TMEM117: variants seen among roughly 807,000 people sequenced by gnomAD.
TMEM117 encodes the protein transmembrane protein 117.
TMEM117 carries 27 observed loss-of-function variants against 52.4 expected under a neutral mutation model. The ratio of observed to expected loss-of-function variants is 0.51; its 90% CI spans 0.38 to 0.71. The LOEUF is 0.71. Among genes scored for constraint, TMEM117 ranks in the 30% least tolerant of loss-of-function variants. The pLI, the probability that TMEM117 is intolerant of heterozygous loss-of-function variation, is 0.00. For missense variants in TMEM117, 556 were observed against 630.5 expected, an observed-to-expected ratio of 0.88 and a Z score of 1.26; for synonymous variants, 215 against 206.3, an observed-to-expected ratio of 1.04 and a Z score of -0.36.
chr12:44,332,700 AAC>A (rs1951287190), intron 6 of TMEM117, among the ~76,000 whole-genome samples: 1 of 146,386 alleles, frequency 6.8e-6, no homozygotes, highest in Non-Finnish European at 1.5e-5. Flanking sequence ...AAATTAAACA[AAC>A]TACTGTTACT....
intron 6 of TMEM117, among the ~76,000 whole-genome samples, chr12:44,368,400 G>A (rs533365354): frequency 6.6e-6 from 1 of 152,050 alleles, no homozygotes; most frequent in Non-Finnish European, 1.5e-5. Flanking sequence ...AACTCTGGAG[G>A]TCATTCACCT....
chr12:44,013,984 G>C (rs895636580), intron 3 of TMEM117, among the ~76,000 whole-genome samples: 1 of 152,126 alleles, frequency 6.6e-6, no homozygotes, highest in African/African-American at 2.4e-5. Context: ...GTTGAAAAAG[G>C]GTTTGAAACC....
At chr12:43,922,141 G>A (rs1401966368) in intron 2 of TMEM117, among the ~76,000 whole-genome samples, 1 of 152,186 alleles carries the variant, frequency 6.6e-6, no homozygotes, top group African/African-American at 2.4e-5. Context: ...ACAAACTGTG[G>A]TTTCTCTTAA....
intron 5 of TMEM117, among the ~76,000 whole-genome samples, chr12:44,236,149 T>C (rs776307101): frequency 1.8e-4 from 27 of 151,074 alleles, no homozygotes; most frequent in Non-Finnish European, 3.1e-4. Flanking sequence ...TTCCTCAGTT[T>C]TAGAAATGTT....
chr12:44,096,904 AACT>A (rs1947774391), intron 3 of TMEM117, among the ~76,000 whole-genome samples: 1 of 151,608 alleles, frequency 6.6e-6, no homozygotes, highest in Non-Finnish European at 1.5e-5. Context: ...CAGCAAAAGA[AACT>A]ACCATCAGAG....
chr12:43,904,851 G>T (rs772692292), intron 2 of TMEM117, among the ~76,000 whole-genome samples: 3 of 152,116 alleles, frequency 2.0e-5, no homozygotes, highest in African/African-American at 4.8e-5. Context: ...CTTATCAAAC[G>T]ATCTGTTTTT....
chr12:44,241,625 G>C (rs1165819892), intron 5 of TMEM117, among the ~76,000 whole-genome samples: 1 of 151,804 alleles, frequency 6.6e-6, no homozygotes, highest in Non-Finnish European at 1.5e-5. Flanking sequence ...TCTTTTGGTA[G>C]TTTTGTGCCT....
chr12:44,127,753 A>G lies in TMEM117; in HGVS notation c.411-15772A>G, dbSNP rs143665341. 4.5e-3 allele frequency among the ~76,000 whole-genome samples: 686 copies of G among 152,324 alleles called. 4 individuals are homozygous for G. Among genetic ancestry groups the G allele is most frequent in the African/African-American group, 0.015 (633 of 41,582 alleles). Reference sequence around the variant, plus strand: ...CTTAGCCAATCCGTTGAAAGGCTGCAGAAGCAAAAATTGATGTTTCCCAGA... The same window carrying G: ...CTTAGCCAATCCGTTGAAAGGCTGCGGAAGCAAAAATTGATGTTTCCCAGA... On this transcript the variant is annotated intron_variant, in intron 3 of 7. Coordinates refer to ENST00000266534, the MANE Select transcript of TMEM117 (RefSeq NM_032256.3).
chr12:43,926,007 C>A (rs539482148), intron 2 of TMEM117, among the ~76,000 whole-genome samples: 1 of 152,230 alleles, frequency 6.6e-6, no homozygotes, highest in South Asian at 2.1e-4. Context: ...CATACATATC[C>A]CCAGTGCCAT....
chr12:44,300,675 C>A (rs948145917), intron 6 of TMEM117, among the ~76,000 whole-genome samples: 2 of 151,966 alleles, frequency 1.3e-5, no homozygotes, highest in African/African-American at 4.8e-5. Context: ...ATATCTTGGG[C>A]ATTAGGTTCA....
At chr12:44,099,459 G>A (rs927809285) in intron 3 of TMEM117, among the ~76,000 whole-genome samples, 4 of 152,060 alleles carry the variant, frequency 2.6e-5, no homozygotes, top group African/African-American at 7.2e-5. Context: ...TTGGGTATAT[G>A]TGGAAGTTTA....
At chr12:44,073,225 G>A (rs966060686) in intron 3 of TMEM117, among the ~76,000 whole-genome samples, 3 of 152,026 alleles carry the variant, frequency 2.0e-5, no homozygotes, top group African/African-American at 7.2e-5. Flanking sequence ...AACACTTATT[G>A]TGCCTAATGC....
upstream of TMEM117, among the ~76,000 whole-genome samples, chr12:43,835,341 A>G (rs1000541071): frequency 6.6e-6 from 1 of 152,198 alleles, no homozygotes. Context: ...CAAAAACTTT[A>G]AAAATTGTAC....
At chr12:43,825,252 G>A in the TMEM117 span, among the ~76,000 whole-genome samples, 54 of 152,320 alleles carry the variant, frequency 3.5e-4, 1 homozygote, top group South Asian at 0.01. Flanking sequence ...AAGGGTTGGC[G>A]TAGAAGCAGC....
the TMEM117 span, chr12:43,805,888 A>T: frequency 6.9e-7 from 1 of 1,456,118 alleles, no homozygotes; most frequent in Non-Finnish European, 9.2e-7. Flanking sequence ...GCTCTTCCCT[A>T]CGTGACCAAA....
the TMEM117 span, among the ~76,000 whole-genome samples, chr12:43,802,680 A>C: frequency 1.1e-4 from 17 of 152,344 alleles, no homozygotes; most frequent in Non-Finnish European, 1.8e-4. Flanking sequence ...AATGTTTAAA[A>C]TATACACAGC....
intron 3 of TMEM117, among the ~76,000 whole-genome samples, chr12:44,107,900 A>T (rs921222089): frequency 6.6e-6 from 1 of 152,180 alleles, no homozygotes; most frequent in Non-Finnish European, 1.5e-5. Context: ...AAAGTTGCTC[A>T]TGTCCTGCAC....
intron 6 of TMEM117, among the ~76,000 whole-genome samples, chr12:44,352,931 A>G (rs1183098668): frequency 2.0e-5 from 3 of 151,604 alleles, no homozygotes; most frequent in Non-Finnish European, 2.9e-5. Context: ...AAGTGTTCCT[A>G]TTTCTCCACA....
upstream of TMEM117, among the ~76,000 whole-genome samples, chr12:43,833,255 A>G (rs933710803): frequency 6.6e-5 from 10 of 152,202 alleles, no homozygotes; most frequent in African/African-American, 2.4e-4. Context: ...AAGTGATGCC[A>G]GACATTTCGG....
Sources: gnomAD v4.1 joint callset for allele counts (sites outside exome capture counted in the v4.1 genomes callset) on GRCh38, gnomAD v4.1.1 for gene constraint, MANE v1.5 for transcripts, NCBI Gene and HGNC (gene_info 2026-07-23, HGNC 2026-07-21) for gene names.